KCNQ1: variants seen among roughly 807,000 people sequenced by gnomAD.
KCNQ1 encodes potassium voltage-gated channel subfamily Q member 1.
KCNQ1 carries 49 observed loss-of-function variants against 72.4 expected under a neutral mutation model. That is an observed-to-expected ratio of 0.68 (90% CI 0.54 to 0.86). KCNQ1 has a LOEUF of 0.86. Ranked by LOEUF, KCNQ1 falls within the 40% of genes least tolerant of loss-of-function variation. KCNQ1 has a pLI of 0.00. For synonymous variants in KCNQ1, 450 were observed against 412.6 expected (o/e 1.09, Z -1.10); for missense variants, 790 against 945.1 (o/e 0.84, Z 2.15).
In KCNQ1 at chr11:2,445,279, C is replaced by T; in HGVS notation, c.181C>T (p.Pro61Ser). ...YAPIAPGAPG[P>S]APPASPAAPA... ...GCCCATCGCGCCCGGCGCCCCAGGT[C>T]CCGCGCCCCCTGCGTCCCCGGCCGC... is the stretch of plus-strand genomic sequence containing the variant. The change falls in exon 1 of 16, where the codon CCC (proline) becomes TCC (serine). Residue 61 changes from proline (P) to serine (S), a missense_variant. Pro to Ser is a moderately conservative substitution (Grantham distance 74). Transcript: ENST00000155840. 4.6e-6 allele frequency: 6 copies of T among 1,303,284 alleles called. No homozygotes were observed. Among genetic ancestry groups the T allele is most frequent in the Non-Finnish European group, 5.8e-6 (6 of 1,031,918 alleles). 80.7% of individuals were successfully genotyped at this position (1,303,284 alleles called of 1,614,324 possible).
Position 2,645,507 on chromosome 11 carries a change from T to A in KCNQ1, c.1394-16454T>A, listed in dbSNP as rs1849652482. On this transcript the variant is annotated intron_variant, in intron 10 of 15. Coordinates refer to ENST00000155840, the MANE Select transcript of KCNQ1 (RefSeq NM_000218.3). This position sits in a 1 kb window ranked among gnomAD's most constrained non-coding sequence, Gnocchi z 5.8. ...ATGCTCATGTTGGGGCAGCAGCAAC[T>A]CTATTGCAGCCCTACTCCTGGGGAA... 2 of 398,720 alleles carry A rather than the reference T, an allele frequency of 5.0e-6. No individual in the cohort carries two copies. The highest frequency in any genetic ancestry group is 7.1e-5 in the East Asian group (2 of 28,078). 24.7% of individuals were successfully genotyped at this position (398,720 alleles called of 1,614,324 possible). A position where few individuals can be genotyped will look rare whatever the true frequency, so the allele number is the denominator to read the frequency against.
intron 1 of KCNQ1, among the ~76,000 whole-genome samples, chr11:2,522,767 T>C (rs1847411241): frequency 6.6e-6 from 1 of 152,210 alleles, no homozygotes; most frequent in African/African-American, 2.4e-5. Flanking sequence ...CCTCAGCCCC[T>C]GCTGGCTCCC....
At position 2,473,602 on chromosome 11, in the gene KCNQ1, G is replaced by A. The variant is rs1846524944; in HGVS notation, c.386+28118G>A. On this transcript the variant is annotated intron_variant, in intron 1 of 15. Coordinates refer to ENST00000155840, the MANE Select transcript of KCNQ1 (RefSeq NM_000218.3). The surrounding 1 kb of genome is among the most constrained non-coding windows in gnomAD (Gnocchi z 6.0). ...CCGTGTCATGTGGCTTGTAGAGCGAGGGTGTGCGGCCGGCATCATCCTCAG... is the reference window on the plus strand; with the variant it reads ...CCGTGTCATGTGGCTTGTAGAGCGAAGGTGTGCGGCCGGCATCATCCTCAG... 6.6e-6 allele frequency among the ~76,000 whole-genome samples: 1 copy of A among 152,230 alleles called. No individual in the cohort carries two copies. The highest frequency in any genetic ancestry group is 1.5e-5 in the Non-Finnish European group (1 of 68,030).
At position 2,483,036 on chromosome 11, in the gene KCNQ1, A is replaced by G. The variant is rs1846678183; in HGVS notation, c.386+37552A>G. Among the ~76,000 whole-genome samples, 1 of 152,066 alleles carries G rather than the reference A, an allele frequency of 6.6e-6. No individual in the cohort carries two copies. The highest frequency in any genetic ancestry group is 6.6e-5 in the Admixed American group (1 of 15,264). On this transcript the variant is annotated intron_variant, in intron 1 of 15. Coordinates refer to ENST00000155840, the MANE Select transcript of KCNQ1 (RefSeq NM_000218.3). The surrounding 1 kb of genome is among the most constrained non-coding windows in gnomAD (Gnocchi z 6.1). ...TGAAGGAGTGCCTTTTGTGGAGGGG[A>G]GTCGGACACAGATGGGATTTCAGCA...
At chr11:2,707,606 C>T (rs1850931496) in intron 11 of KCNQ1, among the ~76,000 whole-genome samples, 1 of 152,208 alleles carries the variant, frequency 6.6e-6, no homozygotes, top group Admixed American at 6.5e-5. Flanking sequence ...TGGCACACTC[C>T]AAGCAGGGAG....
intron 10 of KCNQ1, chr11:2,648,763 T>C (rs1849706685): frequency 2.5e-6 from 1 of 398,524 alleles, no homozygotes; most frequent in Non-Finnish European, 4.4e-6. Context: ...TCCTTGTTGA[T>C]ATTTTTCCAT....
rs555156720 is a variant in KCNQ1 at position 2,795,695 on chromosome 11, A to G, written c.1794+17658A>G. On this transcript the variant is annotated intron_variant, in intron 15 of 15. Coordinates refer to ENST00000155840, the MANE Select transcript of KCNQ1 (RefSeq NM_000218.3). ...CCATGGTGACACCCAGCCCCCAGCT[A>G]CAGATCCCGCCAACTCTTCCCTGCC... Among the ~76,000 whole-genome samples, 41 of 152,342 alleles carry G rather than the reference A, an allele frequency of 2.7e-4. No individual in the cohort carries two copies. The East Asian group carries it at 7.5e-3, about 28-fold the overall frequency.
intron 11 of KCNQ1, among the ~76,000 whole-genome samples, chr11:2,719,794 G>A (rs534929462): frequency 2.0e-5 from 3 of 152,352 alleles, no homozygotes; most frequent in South Asian, 4.1e-4. Context: ...GAGCTTCGGA[G>A]CCAAACACCG....
chr11:2,533,947 C>A (rs909220470), intron 2 of KCNQ1, among the ~76,000 whole-genome samples: 2 of 152,222 alleles, frequency 1.3e-5, no homozygotes, highest in African/African-American at 4.8e-5. Flanking sequence ...GAGCTGCGGC[C>A]CCGGAGGCCT....
Position 2,745,511 on chromosome 11 carries a change from G to T in KCNQ1, c.1515-23333G>T, listed in dbSNP as rs1238063991. Among the ~76,000 whole-genome samples, 3 of 152,182 alleles carry T rather than the reference G, an allele frequency of 2.0e-5. No homozygotes were observed. The highest frequency in any genetic ancestry group is 7.2e-5 in the African/African-American group (3 of 41,432). ...ATACTTTCTATCAGCTCTATTGATT[G>T]ATCTTTTGATCCTGCTGATTGTCTA... On this transcript the variant is annotated intron_variant, in intron 11 of 15. Transcript: ENST00000155840. The surrounding 1 kb of genome is among the most constrained non-coding windows in gnomAD (Gnocchi z 6.2).
chr11:2,617,516 A>G lies in KCNQ1; in HGVS notation c.1393+28662A>G. On this transcript the variant is annotated intron_variant, in intron 10 of 15. Transcript: ENST00000155840. The surrounding 1 kb of genome is among the most constrained non-coding windows in gnomAD (Gnocchi z 4.6). Reference sequence around the variant, plus strand: ...CGTGACTCATGCATATAATGCCACAATGAATATAGGAGCGCAGATATCTTT... The same window carrying G: ...CGTGACTCATGCATATAATGCCACAGTGAATATAGGAGCGCAGATATCTTT... 2.5e-6 allele frequency: 1 copy of G among 398,502 alleles called. No homozygotes were observed. Among genetic ancestry groups the G allele is most frequent in the Non-Finnish European group, 4.4e-6 (1 of 225,972 alleles). 24.7% of individuals were successfully genotyped at this position (398,502 alleles called of 1,614,324 possible).
At chr11:2,714,654 G>A (rs548215058) in intron 11 of KCNQ1, among the ~76,000 whole-genome samples, 17 of 152,268 alleles carry the variant, frequency 1.1e-4, no homozygotes, top group South Asian at 4.1e-4. Flanking sequence ...GCCAGGTGGC[G>A]GACATAGCAC....
chr11:2,655,983 T>G, intron 10 of KCNQ1: 1 of 398,666 alleles, frequency 2.5e-6, no homozygotes, highest in Non-Finnish European at 4.4e-6. Context: ...GGCAGCCAAC[T>G]GATGTGCACA....
At chr11:2,755,909 A>C (rs1011126562) in intron 11 of KCNQ1, among the ~76,000 whole-genome samples, 1 of 152,268 alleles carries the variant, frequency 6.6e-6, no homozygotes, top group African/African-American at 2.4e-5. Context: ...ATGGCCAAAG[A>C]CAAAGACTTG....
In KCNQ1 at chr11:2,550,757, C is replaced by A. The variant is rs546589320; in HGVS notation, c.478-19871C>A. Among the ~76,000 whole-genome samples the A allele has an allele frequency of 6.6e-6, 1 of 152,098 alleles. No homozygotes were observed. The highest frequency in any genetic ancestry group is 1.5e-5 in the Non-Finnish European group (1 of 68,018). On this transcript the variant is annotated intron_variant, in intron 2 of 15. Transcript: ENST00000155840. This position sits in a 1 kb window ranked among gnomAD's most constrained non-coding sequence, Gnocchi z 6.0. ...GGGCAGCACCAGGCTCAGCCCAGGA[C>A]CAGAGCGCAAATAGGGCTGGAGTCC... is the stretch of plus-strand genomic sequence containing the variant.
At chr11:2,460,411 C>CG (rs1846259033) in intron 1 of KCNQ1, among the ~76,000 whole-genome samples, 1 of 152,208 alleles carries the variant, frequency 6.6e-6, no homozygotes, top group African/African-American at 2.4e-5. Flanking sequence ...GGTGGCCCTG[C>CG]GGGTACAGGT....
chr11:2,463,624 T>A lies in KCNQ1; in HGVS notation c.386+18140T>A, dbSNP rs1310507090. Among the ~76,000 whole-genome samples, 2 of 152,168 alleles carry A rather than the reference T, an allele frequency of 1.3e-5. No homozygotes were observed. The highest frequency in any genetic ancestry group is 4.8e-5 in the African/African-American group (2 of 41,446). On this transcript the variant is annotated intron_variant, in intron 1 of 15. Coordinates refer to ENST00000155840, the MANE Select transcript of KCNQ1 (RefSeq NM_000218.3). The surrounding 1 kb of genome is among the most constrained non-coding windows in gnomAD (Gnocchi z 7.0). ...GGACTGGGGCTGGGGCTGGGGCAGC[T>A]GTGTTTATGGGTGTACTCCCTGTGC...
intron 1 of KCNQ1, among the ~76,000 whole-genome samples, chr11:2,523,757 T>C (rs1039099445): frequency 4.1e-5 from 6 of 146,198 alleles, no homozygotes; most frequent in Non-Finnish European, 8.9e-5. Context: ...TACAGTTTTT[T>C]TTTTTTTTTT....
intron 11 of KCNQ1, among the ~76,000 whole-genome samples, chr11:2,722,161 C>T (rs938264294): frequency 2.0e-5 from 3 of 152,136 alleles, no homozygotes; most frequent in Admixed American, 2.0e-4. Context: ...AGGTCCTGAG[C>T]TTGGTGAGTC....
Sources: allele counts gnomAD v4.1 joint callset (sites outside exome capture counted in the v4.1 genomes callset), GRCh38; gene constraint gnomAD v4.1.1; non-coding constraint Gnocchi (gnomAD v3.1); transcripts MANE v1.5; gene names NCBI Gene and HGNC (gene_info 2026-07-23, HGNC 2026-07-21).